The following DAAM1 variants were observed in gnomAD, a reference collection of about 807,000 sequenced individuals.
DAAM1 encodes dishevelled associated activator of morphogenesis 1.
In DAAM1, 52 loss-of-function variants were observed where a neutral mutation model predicts 130.0. That is an observed-to-expected ratio of 0.40 (90% confidence interval 0.32 to 0.50). DAAM1 has a LOEUF of 0.50. DAAM1 is among the 20% of genes least tolerant of loss of function. DAAM1 has a pLI of 0.61. For missense variants in DAAM1, 1,134 were observed against 1,303.8 expected (o/e 0.87, Z 2.01); for synonymous variants, 452 against 444.5 (o/e 1.02, Z -0.21).
chr14:59,253,564 GT>G (rs1048668031), intron 1 of DAAM1, among the ~76,000 whole-genome samples: 2 of 152,154 alleles, frequency 1.3e-5, no homozygotes, highest in Non-Finnish European at 2.9e-5. Context: ...GCAAAATTTT[GT>G]TTCTTTATTT....
intron 1 of DAAM1, among the ~76,000 whole-genome samples, chr14:59,233,540 T>C (rs1484399927): frequency 1.3e-5 from 2 of 152,202 alleles, no homozygotes; most frequent in African/African-American, 4.8e-5. Flanking sequence ...TATTAGACCT[T>C]TGTCAAATGG....
At chr14:59,250,622 G>T (rs985620531) in intron 1 of DAAM1, among the ~76,000 whole-genome samples, 18 of 152,176 alleles carry the variant, frequency 1.2e-4, no homozygotes, top group Non-Finnish European at 5.9e-5. Context: ...ATGCACTCAG[G>T]AGAGTTCATT....
intron 1 of DAAM1, among the ~76,000 whole-genome samples, chr14:59,211,704 T>C (rs570317639): frequency 1.6e-3 from 249 of 152,330 alleles, no homozygotes; most frequent in Admixed American, 4.0e-3. Flanking sequence ...TCACATTCTA[T>C]GAATAAATAA....
intron 1 of DAAM1, among the ~76,000 whole-genome samples, chr14:59,219,663 AG>A (rs941497358): frequency 5.3e-5 from 8 of 152,246 alleles, no homozygotes; most frequent in Non-Finnish European, 1.2e-4. Context: ...ATTGGATCTT[AG>A]GTATAGTCAA....
At chr14:59,329,024 G>T (rs985317212) in intron 12 of DAAM1, among the ~76,000 whole-genome samples, 16 of 152,152 alleles carry the variant, frequency 1.1e-4, no homozygotes, top group African/African-American at 2.9e-4. Flanking sequence ...TCTCTTTAGG[G>T]CAGCACACCC....
At chr14:59,307,950 T>C (rs1206631457) in intron 3 of DAAM1, among the ~76,000 whole-genome samples, 1 of 152,220 alleles carries the variant, frequency 6.6e-6, no homozygotes, top group Non-Finnish European at 1.5e-5. Context: ...TTTTGCTATT[T>C]AGTTTACGGC....
At chr14:59,270,740 A>T (rs1032592623) in intron 2 of DAAM1, among the ~76,000 whole-genome samples, 2 of 152,192 alleles carry the variant, frequency 1.3e-5, no homozygotes, top group African/African-American at 4.8e-5. Flanking sequence ...GCATACCCCA[A>T]GAATAAGGGT....
At chr14:59,255,943 C>G (rs1393578743) in intron 1 of DAAM1, among the ~76,000 whole-genome samples, 1 of 152,176 alleles carries the variant, frequency 6.6e-6, no homozygotes, top group Non-Finnish European at 1.5e-5. Flanking sequence ...AAGTTGGTGG[C>G]TCTCAGGAAC....
At chr14:59,286,353 A>G (rs1211106318) in intron 2 of DAAM1, among the ~76,000 whole-genome samples, 1 of 152,068 alleles carries the variant, frequency 6.6e-6, no homozygotes, top group East Asian at 1.9e-4. Context: ...TAACCTAATG[A>G]TGCACCTACA....
chr14:59,338,280 C>A, intron 15 of DAAM1: 3 of 1,129,172 alleles, frequency 2.7e-6, no homozygotes, highest in Non-Finnish European at 2.7e-6. Context: ...TCTTACCCTA[C>A]ATCACTTGTT....
At chr14:59,285,377 C>G (rs1282629354) in intron 2 of DAAM1, among the ~76,000 whole-genome samples, 1 of 152,038 alleles carries the variant, frequency 6.6e-6, no homozygotes, top group Non-Finnish European at 1.5e-5. Flanking sequence ...CACATACAAT[C>G]AAGTCTACAT....
intron 1 of DAAM1, among the ~76,000 whole-genome samples, chr14:59,237,122 C>T (rs958177092): frequency 4.6e-5 from 7 of 152,166 alleles, no homozygotes; most frequent in Non-Finnish European, 8.8e-5. Context: ...TTAACCTACA[C>T]GTGCTGGAAT....
chr14:59,196,952 G>A (rs141673736), intron 1 of DAAM1, among the ~76,000 whole-genome samples: 20,856 of 151,908 alleles, frequency 0.14, 2,071 homozygotes, highest in East Asian at 0.5. Context: ...ACGGAGTCTC[G>A]CTCTGTCGCC....
At chr14:59,242,659 C>T (rs1029126987) in intron 1 of DAAM1, among the ~76,000 whole-genome samples, 3 of 152,104 alleles carry the variant, frequency 2.0e-5, no homozygotes, top group South Asian at 4.1e-4. Context: ...CCCGGGTTCA[C>T]GCCATTCTCC....
chr14:59,231,619 C>T (rs1889109560), intron 1 of DAAM1, among the ~76,000 whole-genome samples: 1 of 152,154 alleles, frequency 6.6e-6, no homozygotes, highest in African/African-American at 2.4e-5. Flanking sequence ...ATTATCTGTG[C>T]AACCTTGGCA....
At chr14:59,197,176 T>C (rs1028918660) in intron 1 of DAAM1, among the ~76,000 whole-genome samples, 2 of 152,216 alleles carry the variant, frequency 1.3e-5, no homozygotes, top group African/African-American at 4.8e-5. Flanking sequence ...CGACTCAGCC[T>C]CCCAAAGTGC....
chr14:59,196,845 T>G (rs1887911633), intron 1 of DAAM1, among the ~76,000 whole-genome samples: 1 of 152,224 alleles, frequency 6.6e-6, no homozygotes, highest in South Asian at 2.1e-4. Context: ...ACTTGCTGCA[T>G]TCTCTATTCT....
intron 2 of DAAM1, among the ~76,000 whole-genome samples, chr14:59,282,242 A>G (rs1883254771): frequency 6.6e-6 from 1 of 152,066 alleles, no homozygotes; most frequent in African/African-American, 2.4e-5. Context: ...TGTGTTGATC[A>G]TTCTTGAGTT....
chr14:59,196,969 G>A (rs1887915960), intron 1 of DAAM1, among the ~76,000 whole-genome samples: 2 of 152,042 alleles, frequency 1.3e-5, no homozygotes, highest in Non-Finnish European at 2.9e-5. Context: ...CGCCCAGGCT[G>A]GAGTGCAGTG....
Sources: gnomAD v4.1 joint callset for allele counts (sites outside exome capture counted in the v4.1 genomes callset) on GRCh38, gnomAD v4.1.1 for gene constraint, MANE v1.5 for transcripts, NCBI Gene and HGNC (gene_info 2026-07-23, HGNC 2026-07-21) for gene names.